MTCL3: variants seen among roughly 807,000 people sequenced by gnomAD.
MTCL3 encodes microtubule cross-linking factor 3.
the MTCL3 span, among the ~76,000 whole-genome samples, chr6:127,489,582 A>G: frequency 6.6e-6 from 1 of 152,254 alleles, no homozygotes; most frequent in Non-Finnish European, 1.5e-5. Context: ...GTGAACACAC[A>G]AATAATAAGA....
At chr6:127,477,244 G>T in the MTCL3 span, among the ~76,000 whole-genome samples, 1 of 152,180 alleles carries the variant, frequency 6.6e-6, no homozygotes, top group Non-Finnish European at 1.5e-5. Context: ...GTCTGAAATG[G>T]ATAAAGCCTG....
chr6:127,497,868 G>A, the MTCL3 span, among the ~76,000 whole-genome samples: 1 of 151,940 alleles, frequency 6.6e-6, no homozygotes, highest in Non-Finnish European at 1.5e-5. Flanking sequence ...TTCGACAAAC[G>A]GTGCTGGGGC....
chr6:127,478,563 A>G, the MTCL3 span, among the ~76,000 whole-genome samples: 1 of 152,214 alleles, frequency 6.6e-6, no homozygotes, highest in Non-Finnish European at 1.5e-5. Context: ...ACATCCATCA[A>G]CAGTCATGTA....
the MTCL3 span, among the ~76,000 whole-genome samples, chr6:127,496,801 A>G: frequency 2.0e-5 from 3 of 152,340 alleles, no homozygotes; most frequent in Non-Finnish European, 2.9e-5. Context: ...ATAAAATATG[A>G]TATTTGCCCA....
chr6:127,516,828 G>A, the MTCL3 span: 8 of 795,742 alleles, frequency 1.0e-5, no homozygotes, highest in Non-Finnish European at 1.5e-5. Context: ...ATGCAGGGCT[G>A]TCTTTAGGAA....
chr6:127,492,074 T>C, the MTCL3 span, among the ~76,000 whole-genome samples: 1 of 152,166 alleles, frequency 6.6e-6, no homozygotes, highest in Admixed American at 6.5e-5. Flanking sequence ...AAGTCTGGGC[T>C]GGCCTGCTCC....
the MTCL3 span, chr6:127,476,113 T>C: frequency 4.9e-5 from 79 of 1,614,064 alleles, no homozygotes; most frequent in Non-Finnish European, 6.4e-5. This position sits in a 1 kb window ranked among gnomAD's most constrained non-coding sequence, Gnocchi z 4.4. Flanking sequence ...GGATTCGCTC[T>C]GCTCCCTCAT....
chr6:127,488,139 T>C, the MTCL3 span, among the ~76,000 whole-genome samples: 1 of 152,196 alleles, frequency 6.6e-6, no homozygotes, highest in Non-Finnish European at 1.5e-5. Flanking sequence ...ATACCAAGTA[T>C]GCCCTTGTTT....
chr6:127,481,173 A>G, the MTCL3 span: 6 of 547,060 alleles, frequency 1.1e-5, no homozygotes, highest in Non-Finnish European at 1.4e-5. Flanking sequence ...ATGGTTGAAA[A>G]GAATAAATAA....
the MTCL3 span, among the ~76,000 whole-genome samples, chr6:127,479,529 A>G: frequency 2.0e-4 from 31 of 152,222 alleles, no homozygotes; most frequent in African/African-American, 6.8e-4. Flanking sequence ...CCAAAACAGC[A>G]GTGGGTGTGA....
the MTCL3 span, chr6:127,475,592 G>A: frequency 2.5e-6 from 4 of 1,604,588 alleles, no homozygotes; most frequent in African/African-American, 1.3e-5. The surrounding 1 kb of genome is among the most constrained non-coding windows in gnomAD (Gnocchi z 7.3). Context: ...ATCTGCTGCC[G>A]ATCGGAGAAG....
the MTCL3 span, among the ~76,000 whole-genome samples, chr6:127,502,834 T>C: frequency 1.3e-5 from 2 of 152,314 alleles, no homozygotes; most frequent in Non-Finnish European, 2.9e-5. Flanking sequence ...TAAAAGGTGA[T>C]TAAATTGAGA....
the MTCL3 span, among the ~76,000 whole-genome samples, chr6:127,496,963 G>A: frequency 6.6e-6 from 1 of 152,086 alleles, no homozygotes; most frequent in African/African-American, 2.4e-5. Context: ...GTCTAGAAAA[G>A]GTAAATTCAT....
chr6:127,481,016 T>G, the MTCL3 span, among the ~76,000 whole-genome samples: 1 of 152,184 alleles, frequency 6.6e-6, no homozygotes, highest in Non-Finnish European at 1.5e-5. Flanking sequence ...GTAGATTGCA[T>G]AGCATCTTGA....
At chr6:127,476,007 G>A in the MTCL3 span, 4 of 1,610,836 alleles carry the variant, frequency 2.5e-6, no homozygotes, top group African/African-American at 5.3e-5. This position sits in a 1 kb window ranked among gnomAD's most constrained non-coding sequence, Gnocchi z 4.4. Flanking sequence ...GCTCCGCCGT[G>A]ATGCGCTTGT....
At chr6:127,492,898 A>C in the MTCL3 span, among the ~76,000 whole-genome samples, 1 of 152,214 alleles carries the variant, frequency 6.6e-6, no homozygotes, top group South Asian at 2.1e-4. Context: ...TAAATTGCAG[A>C]TGCTGCCCTT....
At chr6:127,513,080 T>G in the MTCL3 span, 1 of 1,558,938 alleles carries the variant, frequency 6.4e-7, no homozygotes, top group South Asian at 1.2e-5. Context: ...CAATAAAATA[T>G]AATTAATGAC....
the MTCL3 span, among the ~76,000 whole-genome samples, chr6:127,512,224 TGAAGGA>T: frequency 6.6e-6 from 1 of 152,068 alleles, no homozygotes; most frequent in African/African-American, 2.4e-5. Context: ...ATAGCTGACA[TGAAGGA>T]GAACTTTACT....
chr6:127,516,153 G>C, the MTCL3 span: 5 of 1,444,718 alleles, frequency 3.5e-6, no homozygotes, highest in Non-Finnish European at 4.5e-6. Context: ...CGAGTTTCGA[G>C]GGCACGGACT....
Sources: gnomAD v4.1 joint callset for allele counts (sites outside exome capture counted in the v4.1 genomes callset) on GRCh38, gnomAD v4.1.1 for gene constraint, Gnocchi (gnomAD v3.1) non-coding constraint, MANE v1.5 for transcripts, NCBI Gene and HGNC (gene_info 2026-07-23, HGNC 2026-07-21) for gene names.